The following PCDHGA3 variants were observed in gnomAD, a reference collection of about 807,000 sequenced individuals.
The protein encoded by PCDHGA3 is protocadherin gamma-A3.
Under a neutral mutation model 58.5 loss-of-function variants are expected in PCDHGA3, and 40 were observed. The ratio of observed to expected loss-of-function variants is 0.68; its 90% CI spans 0.53 to 0.89. The LOEUF (loss-of-function observed/expected upper bound fraction) is 0.89. Ranked by LOEUF, PCDHGA3 falls within the 40% of genes least tolerant of loss-of-function variation. PCDHGA3 has a pLI of 0.00. For synonymous variants in PCDHGA3, 530 were observed against 525.7 expected, an observed-to-expected ratio of 1.01 and a Z score of -0.11; for missense variants, 1,223 against 1,195.9, an observed-to-expected ratio of 1.02 and a Z score of -0.33.
intron 1 of PCDHGA3, chr5:141,416,864 G>C (rs2096066198): frequency 6.6e-6 from 1 of 151,862 alleles, no homozygotes; most frequent in Admixed American, 6.6e-5. Flanking sequence ...TTTCAGGTCA[G>C]TCAACATTTG....
chr5:141,394,502 G>T, intron 1 of PCDHGA3: 1 of 1,614,226 alleles, frequency 6.2e-7, no homozygotes, highest in Non-Finnish European at 8.5e-7. Flanking sequence ...CCGAGATCCT[G>T]TACCCCGCCC....
chr5:141,351,555 C>T (rs776805404), intron 1 of PCDHGA3: 7 of 1,614,022 alleles, frequency 4.3e-6, no homozygotes, highest in South Asian at 3.3e-5. Context: ...TCCTCCAGGA[C>T]AAGCATCACC....
chr5:141,424,353 T>C (rs923306479), intron 1 of PCDHGA3: 1 of 152,246 alleles, frequency 6.6e-6, no homozygotes, highest in African/African-American at 2.4e-5. Flanking sequence ...GGAGATAAAA[T>C]TTAGATCACA....
At chr5:141,419,773 C>G (rs2096431068) in intron 1 of PCDHGA3, 1 of 1,613,916 alleles carries the variant, frequency 6.2e-7, no homozygotes, top group Non-Finnish European at 8.5e-7. Context: ...AGGACTCGGT[C>G]CGCCAGCGCC....
intron 1 of PCDHGA3, chr5:141,395,325 G>T (rs1261775810): frequency 6.8e-7 from 1 of 1,473,892 alleles, no homozygotes; most frequent in Admixed American, 2.5e-5. Context: ...GAAGATAGTT[G>T]AAAATAATTT....
chr5:141,403,202 T>A, intron 1 of PCDHGA3: 4 of 1,613,984 alleles, frequency 2.5e-6, no homozygotes, highest in Non-Finnish European at 3.4e-6. Context: ...CAGCGGCACC[T>A]TGGTCACCGC....
chr5:141,430,595 G>A (rs549786394), intron 1 of PCDHGA3: 28 of 567,134 alleles, frequency 4.9e-5, no homozygotes, highest in African/African-American at 3.8e-4. Flanking sequence ...CCTTGCACGC[G>A]CCTGAAGCAC....
intron 1 of PCDHGA3, 144 bp from the exon 2 acceptor site, chr5:141,494,663 G>A: frequency 6.7e-7 from 1 of 1,499,356 alleles, no homozygotes; most frequent in Non-Finnish European, 9.0e-7. Flanking sequence ...TGTCTTTGGA[G>A]ATGAGTCCAC....
At chr5:141,408,598 A>G (rs1391583761) in intron 1 of PCDHGA3, 1 of 1,614,070 alleles carries the variant, frequency 6.2e-7, no homozygotes, top group Admixed American at 1.7e-5. Flanking sequence ...ACGCCCCTCA[A>G]TTTGATAAAA....
chr5:141,350,943 G>A (rs542251559), intron 1 of PCDHGA3: 6 of 1,614,070 alleles, frequency 3.7e-6, no homozygotes, highest in Non-Finnish European at 5.1e-6. Context: ...ATCTGGATCC[G>A]AGTTACGGAT....
chr5:141,362,112 G>A, intron 1 of PCDHGA3: 1 of 1,613,988 alleles, frequency 6.2e-7, no homozygotes, highest in Non-Finnish European at 8.5e-7. Flanking sequence ...CTACGGCCAC[G>A]CTGCACCTAA....
chr5:141,414,526 G>T, intron 1 of PCDHGA3: 1 of 1,613,912 alleles, frequency 6.2e-7, no homozygotes, highest in Non-Finnish European at 8.5e-7. Flanking sequence ...AGATATCAAT[G>T]ACAACCCACC....
chr5:141,404,165 T>C, intron 1 of PCDHGA3: 1 of 1,613,246 alleles, frequency 6.2e-7, no homozygotes, highest in South Asian at 1.1e-5. Flanking sequence ...TTACAGATTG[T>C]TGACGGCCCA....
chr5:141,498,616 G>T (rs1202866176), intron 2 of PCDHGA3, among the ~76,000 whole-genome samples: 1 of 152,138 alleles, frequency 6.6e-6, no homozygotes, highest in East Asian at 1.9e-4. Flanking sequence ...AGTCAGCACT[G>T]GGTCACACTG....
rs542548063 is a variant in PCDHGA3, at chr5:141,412,999, C to T, written c.2424+66542C>T. On this transcript the variant is annotated intron_variant, in intron 1 of 3. Coordinates refer to ENST00000253812, the MANE Select transcript of PCDHGA3 (RefSeq NM_018916.4). Reference sequence around the variant, plus strand: ...GCAGCCAGAGCTCAATCCGGATTCTCAGGGCTTCAACTACACAAGCCCCAC... The same window carrying T: ...GCAGCCAGAGCTCAATCCGGATTCTTAGGGCTTCAACTACACAAGCCCCAC... 150 of 588,234 alleles carry T rather than the reference C, an allele frequency of 2.6e-4. 1 individual carries two copies. In the South Asian group the frequency reaches 3.6e-3, roughly 14 times the overall value. 36.4% of individuals were successfully genotyped at this position (588,234 alleles called of 1,614,324 possible). A position where few individuals can be genotyped will look rare whatever the true frequency, so the allele number is the denominator to read the frequency against.
At chr5:141,460,864 A>C (rs1220160866) in intron 1 of PCDHGA3, among the ~76,000 whole-genome samples, 1 of 151,800 alleles carries the variant, frequency 6.6e-6, no homozygotes, top group East Asian at 1.9e-4. Flanking sequence ...AAGTTGCTGC[A>C]AAGGACATTA....
intron 1 of PCDHGA3, among the ~76,000 whole-genome samples, chr5:141,484,685 T>G (rs2099599013): frequency 6.6e-6 from 1 of 151,934 alleles, no homozygotes; most frequent in Non-Finnish European, 1.5e-5. Flanking sequence ...TTGCTAGGGC[T>G]CAGGCTGTGG....
chr5:141,347,137 C>CTTTCTTTCTTTCTTTCTTTCTTTCTT (rs1554073405), intron 1 of PCDHGA3, among the ~76,000 whole-genome samples: 3 of 113,834 alleles, frequency 2.6e-5, no homozygotes, highest in African/African-American at 7.7e-5. Context: ...CTCTGTTTCT[C>CTTTCTTTCTTTCTTTCTTTCTTTCTT]TCTTTCTTTC....
chr5:141,467,055 CTTTT>C (rs1193465269), intron 1 of PCDHGA3, among the ~76,000 whole-genome samples: 5 of 134,484 alleles, frequency 3.7e-5, no homozygotes, highest in Non-Finnish European at 4.9e-5. Context: ...TCAATGTTTT[CTTTT>C]TTTTTTTTTT....
Sources: gnomAD v4.1 joint callset for allele counts (sites outside exome capture counted in the v4.1 genomes callset) on GRCh38, gnomAD v4.1.1 for gene constraint, MANE v1.5 for transcripts, NCBI Gene and HGNC (gene_info 2026-07-23, HGNC 2026-07-21) for gene names.